Variants in DLGAP4 observed in about 807,000 individuals in gnomAD.
DLGAP4 encodes the protein DLG associated protein 4, also known as disks large-associated protein 4.
A neutral mutation model predicts 86.9 loss-of-function variants in DLGAP4; 18 were observed. The observed-to-expected ratio is 0.21, with a 90% CI of 0.14 to 0.31. The LOEUF is 0.31. Ranked by LOEUF, DLGAP4 falls within the 10% of genes least tolerant of loss-of-function variation. The probability of loss-of-function intolerance (pLI) is 1.00; values close to 1 mark genes in which losing one functional copy is unlikely to be tolerated. For synonymous variants in DLGAP4, 548 were observed against 574.3 expected (o/e 0.95, Z 0.65); for missense variants, 1,085 against 1,362.6 (o/e 0.80, Z 3.21).
In DLGAP4 at chr20:36,457,858, G is replaced by A. The variant is rs755774920; in HGVS notation, c.1648+10921G>A. ...TCACCATGTTGGCCAGGCTGGTCTCGAACTCCTGACCTCAAGCTATCCACC... is the reference window on the plus strand; with the variant it reads ...TCACCATGTTGGCCAGGCTGGTCTCAAACTCCTGACCTCAAGCTATCCACC... On this transcript the variant is annotated intron_variant, in intron 7 of 12. Coordinates refer to ENST00000339266, the MANE Select transcript of DLGAP4 (RefSeq NM_001365621.2). Among the ~76,000 whole-genome samples the A allele has an allele frequency of 1.3e-4, 20 of 150,206 alleles. 1 individual carries two copies. Among genetic ancestry groups the A allele is most frequent in the Admixed American group, 3.3e-4 (5 of 15,042 alleles).
At chr20:36,483,984 G>C (rs1204974932) in intron 7 of DLGAP4, among the ~76,000 whole-genome samples, 1 of 152,200 alleles carries the variant, frequency 6.6e-6, no homozygotes, top group Non-Finnish European at 1.5e-5. Flanking sequence ...TCTCAGCCAG[G>C]CTCTGGCAGG....
intron 2 of DLGAP4, among the ~76,000 whole-genome samples, chr20:36,406,991 C>T (rs929626774): frequency 6.6e-6 from 1 of 152,034 alleles, no homozygotes; most frequent in Admixed American, 6.5e-5. Context: ...CAGCGGGAAG[C>T]CTGCAGGAGT....
At chr20:36,330,868 C>T (rs1035800998) in intron 1 of DLGAP4, among the ~76,000 whole-genome samples, 20 of 152,178 alleles carry the variant, frequency 1.3e-4, no homozygotes, top group Non-Finnish European at 1.8e-4. Context: ...CCGCCACGCC[C>T]GGCCGACTTT....
intron 2 of DLGAP4, among the ~76,000 whole-genome samples, chr20:36,427,342 G>A (rs2033002987): frequency 6.6e-6 from 1 of 152,054 alleles, no homozygotes; most frequent in Admixed American, 6.6e-5. Context: ...GCCGGATGTG[G>A]TGGCATGCAC....
intron 2 of DLGAP4, among the ~76,000 whole-genome samples, chr20:36,426,522 C>CAA (rs112450501): frequency 4.9e-5 from 7 of 141,424 alleles, no homozygotes; most frequent in African/African-American, 1.8e-4. Flanking sequence ...GACTCTGTCT[C>CAA]AAAAAAAAAA....
rs1600405540 is a variant in DLGAP4 at position 36,332,174 on chromosome 20, C to A, written c.-304+25662C>A. On this transcript the variant is annotated intron_variant, in intron 1 of 12. Coordinates refer to ENST00000339266, the MANE Select transcript of DLGAP4 (RefSeq NM_001365621.2). ...GAGAAGGCTGGGCCAGTCATCTGGA[C>A]GGGATGGAGAGGATGAGGTCTGGGT... Among the ~76,000 whole-genome samples, 4 of 152,086 alleles carry A rather than the reference C, an allele frequency of 2.6e-5. No homozygotes were observed. The South Asian group carries it at 8.3e-4, about 32-fold the overall frequency.
chr20:36,317,259 C>CT (rs1406740284), intron 1 of DLGAP4, among the ~76,000 whole-genome samples: 1 of 60,350 alleles, frequency 1.7e-5, no homozygotes, highest in Admixed American at 2.1e-4. Context: ...TTCTTTCTTT[C>CT]TTTCTTTCTT....
chr20:36,462,512 C>T, intron 7 of DLGAP4: 1 of 1,601,024 alleles, frequency 6.2e-7, no homozygotes, highest in Non-Finnish European at 8.5e-7. Flanking sequence ...CCTTGTCTCC[C>T]TCTCCCTTTT....
At chr20:36,501,562 G>C (rs1441672950) in intron 10 of DLGAP4, among the ~76,000 whole-genome samples, 1 of 150,576 alleles carries the variant, frequency 6.6e-6, no homozygotes, top group Non-Finnish European at 1.5e-5. Context: ...ACAGGTGGTT[G>C]GAGGGGGGTT....
intron 2 of DLGAP4, among the ~76,000 whole-genome samples, chr20:36,396,357 C>T (rs2031959073): frequency 1.4e-3 from 1 of 724 alleles, no homozygotes; most frequent in African/African-American, 6.0e-3. Context: ...ACACACATAC[C>T]ACACGCACAT....
chr20:36,436,283 G>T lies in DLGAP4; in HGVS notation c.1174G>T (p.Ala392Ser). The change falls in exon 4 of 13, where the codon GCG (alanine) becomes TCG (serine). Residue 392 changes from alanine (A) to serine (S), a missense_variant. Physicochemically the swap from Ala to Ser is moderately conservative, Grantham distance 99. Transcript: ENST00000339266. ...GGSPKPSPKT[A>S]ARRQSYLRAT... ...CAGCCCCAAGCCCTCACCCAAGACC[G>T]CGGCGCGGCGCCAGAGCTATCTGAG... 1 of 1,604,816 alleles carries T rather than the reference G, an allele frequency of 6.2e-7. No individual in the cohort carries two copies. The highest frequency in any genetic ancestry group is 1.1e-5 in the South Asian group (1 of 90,762).
At chr20:36,376,551 A>G (rs916713252) in intron 2 of DLGAP4, among the ~76,000 whole-genome samples, 1 of 152,206 alleles carries the variant, frequency 6.6e-6, no homozygotes, top group African/African-American at 2.4e-5. Context: ...GGACAGGACC[A>G]TAAGAATGGC....
intron 10 of DLGAP4, among the ~76,000 whole-genome samples, chr20:36,505,135 G>A (rs541362301): frequency 2.1e-4 from 32 of 152,050 alleles, no homozygotes; most frequent in Non-Finnish European, 3.4e-4. Flanking sequence ...TTACATGTGC[G>A]TGCCACCATG....
At chr20:36,454,731 C>T (rs954766210) in intron 7 of DLGAP4, among the ~76,000 whole-genome samples, 2 of 152,226 alleles carry the variant, frequency 1.3e-5, no homozygotes, top group Non-Finnish European at 2.9e-5. Flanking sequence ...CATCTGTGCA[C>T]TCAGGTCCTG....
chr20:36,330,721 C>T (rs960559494), intron 1 of DLGAP4, among the ~76,000 whole-genome samples: 4 of 151,894 alleles, frequency 2.6e-5, no homozygotes, highest in East Asian at 3.9e-4. Flanking sequence ...TATAGGCGCC[C>T]GCCACCACAC....
chr20:36,412,979 C>CTT (rs71184093), intron 2 of DLGAP4, among the ~76,000 whole-genome samples: 1 of 110,860 alleles, frequency 9.0e-6, no homozygotes, highest in Non-Finnish European at 1.8e-5. Flanking sequence ...GAACTCTTTT[C>CTT]TTTTTTTTTT....
intron 2 of DLGAP4, among the ~76,000 whole-genome samples, chr20:36,399,637 GCT>G (rs1484904267): frequency 1.3e-5 from 2 of 152,220 alleles, no homozygotes; most frequent in Non-Finnish European, 2.9e-5. Flanking sequence ...CCTTCAGTTA[GCT>G]CTGTCAAATT....
chr20:36,499,572 G>A lies in DLGAP4; in HGVS notation c.2011-16G>A, dbSNP rs201631021. 4.1e-4 allele frequency: 668 copies of A among 1,612,748 alleles called. No individual in the cohort carries two copies. The highest frequency in any genetic ancestry group is 1.5e-4 in the Non-Finnish European group (179 of 1,179,226). On this transcript the variant is annotated splice_polypyrimidine_tract_variant and intron_variant, in intron 8 of 12. Transcript: ENST00000339266. ...TCTTTGTCTCCGTGCCGTTGCTGTC[G>A]TTGTCCTTCAATAAGGTTGACTGCA...
chr20:36,462,348 C>T (rs937063373), intron 7 of DLGAP4: 57 of 1,373,452 alleles, frequency 4.2e-5, no homozygotes, highest in Non-Finnish European at 4.9e-5. Context: ...CTTTGCTCTC[C>T]CTGCCCCTCT....
Sources: gnomAD v4.1 joint callset for allele counts (sites outside exome capture counted in the v4.1 genomes callset) on GRCh38, gnomAD v4.1.1 for gene constraint, MANE v1.5 for transcripts, NCBI Gene and HGNC (gene_info 2026-07-23, HGNC 2026-07-21) for gene names.